Variants in TMTC1 observed in about 807,000 individuals in gnomAD.
TMTC1 encodes transmembrane O-mannosyltransferase targeting cadherins 1, also known as protein O-mannosyl-transferase TMTC1.
Under a neutral mutation model 104.8 loss-of-function variants are expected in TMTC1, and 73 were observed. The ratio of observed to expected loss-of-function variants is 0.70; its 90% confidence interval spans 0.58 to 0.85. TMTC1 has a LOEUF of 0.85. TMTC1 is among the 40% of genes least tolerant of loss of function. The pLI is 0.00. For missense variants in TMTC1, 1,035 were observed against 1,096.1 expected, an observed-to-expected ratio of 0.94 and a Z score of 0.79; for synonymous variants, 434 against 428.7, an observed-to-expected ratio of 1.01 and a Z score of -0.15.
chr12:29,663,365 A>C (rs1940122466), intron 5 of TMTC1, among the ~76,000 whole-genome samples: 1 of 152,152 alleles, frequency 6.6e-6, no homozygotes. Context: ...ATCTGAATAA[A>C]AAGGCACTTT....
intron 5 of TMTC1, among the ~76,000 whole-genome samples, chr12:29,655,122 C>A (rs954192585): frequency 2.0e-5 from 3 of 152,120 alleles, no homozygotes; most frequent in African/African-American, 7.2e-5. Flanking sequence ...ACCTCGTGAT[C>A]CGCCTGCCTC....
chr12:29,705,445 C>T (rs1941713428), intron 5 of TMTC1, among the ~76,000 whole-genome samples: 1 of 152,162 alleles, frequency 6.6e-6, no homozygotes. Context: ...AGGAACTCTC[C>T]ATTTGTAAGT....
At chr12:29,698,555 C>T (rs1941491186) in intron 5 of TMTC1, among the ~76,000 whole-genome samples, 1 of 152,138 alleles carries the variant, frequency 6.6e-6, no homozygotes, top group African/African-American at 2.4e-5. Flanking sequence ...CCCCCTTGGT[C>T]TTATGTTTCT....
intron 2 of TMTC1, among the ~76,000 whole-genome samples, chr12:29,765,687 C>G (rs1004553676): frequency 1.3e-5 from 2 of 151,756 alleles, no homozygotes; most frequent in Non-Finnish European, 2.9e-5. Context: ...AAAAAATCAC[C>G]TCTTAATAAT....
intron 6 of TMTC1, among the ~76,000 whole-genome samples, chr12:29,624,611 T>C (rs1000735826): frequency 6.6e-6 from 1 of 152,314 alleles, no homozygotes; most frequent in African/African-American, 2.4e-5. Flanking sequence ...TCCCTGCTCT[T>C]GGAATGCTCT....
chr12:29,566,990 A>AG (rs1182623180), intron 9 of TMTC1, among the ~76,000 whole-genome samples: 3 of 152,216 alleles, frequency 2.0e-5, no homozygotes, highest in Admixed American at 1.3e-4. Flanking sequence ...TCTCAGCCTC[A>AG]GGGAGTTGCC....
chr12:29,703,870 TTC>T (rs1444624996), intron 5 of TMTC1, among the ~76,000 whole-genome samples: 1 of 152,184 alleles, frequency 6.6e-6, no homozygotes, highest in East Asian at 1.9e-4. Context: ...TTTCCAAGTC[TTC>T]TGGCTTTACT....
Position 29,755,822 on chromosome 12 carries a change from C to A in TMTC1, c.618G>T (p.Leu206=), listed in dbSNP as rs553484630. The A allele has an allele frequency of 7.4e-6, 12 of 1,614,176 alleles. No individual in the cohort carries two copies. The Admixed American group carries it at 1.0e-4, about 13-fold the overall frequency. ...CACAGGTCCCCAGAAACAAACTGAGCAGCAAGAAGAAGGGAGACACCGTGG... is the reference window on the plus strand; with the variant it reads ...CACAGGTCCCCAGAAACAAACTGAGAAGCAAGAAGAAGGGAGACACCGTGG... ...FPSTVSPFFL[L]LSLFLGTCAM... Residue 206 remains leucine (L), a synonymous_variant, in exon 4 of 18, where the codon CTG becomes CTT. Transcript: ENST00000539277.
At chr12:29,621,289 A>G (rs1937659259) in intron 6 of TMTC1, among the ~76,000 whole-genome samples, 1 of 152,242 alleles carries the variant, frequency 6.6e-6, no homozygotes, top group African/African-American at 2.4e-5. Flanking sequence ...GAATTTAGTG[A>G]TCCTTGTGCC....
intron 6 of TMTC1, among the ~76,000 whole-genome samples, chr12:29,620,062 T>C (rs1322167652): frequency 6.6e-6 from 1 of 152,160 alleles, no homozygotes; most frequent in Non-Finnish European, 1.5e-5. Flanking sequence ...GGCAGTCAAT[T>C]GGATTTCTTT....
chr12:29,668,542 C>A (rs1435655945), intron 5 of TMTC1, among the ~76,000 whole-genome samples: 2 of 147,932 alleles, frequency 1.4e-5, no homozygotes, highest in Non-Finnish European at 3.0e-5. Context: ...CTCACTGCAA[C>A]CTCCAACTCC....
chr12:29,681,462 A>G (rs1008848950), intron 5 of TMTC1, among the ~76,000 whole-genome samples: 5 of 152,188 alleles, frequency 3.3e-5, no homozygotes, highest in African/African-American at 1.2e-4. Flanking sequence ...AAGAAAAACA[A>G]CCAGAATTAT....
At chr12:29,726,450 C>T (rs12304225) in intron 5 of TMTC1, among the ~76,000 whole-genome samples, 18,961 of 148,716 alleles carry the variant, frequency 0.13, 1,441 homozygotes, top group Middle Eastern at 0.15. Context: ...AGAAGCTCTC[C>T]CTAGATTTTT....
intron 5 of TMTC1, among the ~76,000 whole-genome samples, chr12:29,707,061 A>G (rs1314227730): frequency 6.6e-6 from 1 of 152,200 alleles, no homozygotes; most frequent in Admixed American, 6.5e-5. Context: ...CTATGGGGAC[A>G]GTCAGACCTG....
In TMTC1 at chr12:29,583,319, C is replaced by A. The variant is rs923219012; in HGVS notation, c.1418+88G>T. ...GATAATTTTCCTTAGTAAATACTGC[C>A]AGGCCCATGTTACCTCATTTGTTTG... On this transcript the variant is annotated intron_variant, in intron 8 of 17. Coordinates refer to ENST00000539277, the MANE Select transcript of TMTC1 (RefSeq NM_001193451.2). 30 of 1,283,114 alleles carry A rather than the reference C, an allele frequency of 2.3e-5. No individual in the cohort carries two copies. In the Admixed American group the frequency reaches 6.6e-4, roughly 28 times the overall value. The allele number at this position is 1,283,114 out of a possible 1,614,324, so 79.5% of individuals were successfully genotyped here.
rs1001387135 is a variant in TMTC1, at chr12:29,783,279, C to CAG, written c.302+169_302+170dup. Among the ~76,000 whole-genome samples, 1 of 152,148 alleles carries CAG rather than the reference C, an allele frequency of 6.6e-6. No individual in the cohort carries two copies. Among genetic ancestry groups the CAG allele is most frequent in the African/African-American group, 2.4e-5 (1 of 41,418 alleles). ...GCCCCGAGAGCCCAGATTAGCCGGG[C>CAG]AGTGGATCCCGGAGCAAAGTGCCAT... On this transcript the variant is annotated intron_variant, in intron 1 of 17. Transcript: ENST00000539277. The surrounding 1 kb of genome is among the most constrained non-coding windows in gnomAD (Gnocchi z 4.7).
chr12:29,518,333 G>T, intron 13 of TMTC1, 139 bp downstream of exon 13: 2 of 912,626 alleles, frequency 2.2e-6, no homozygotes, highest in Non-Finnish European at 3.2e-6. Flanking sequence ...TGCTTTCTTT[G>T]GAGATAAAAA....
chr12:29,637,416 G>T (rs2136526141), intron 5 of TMTC1, among the ~76,000 whole-genome samples: 1 of 152,254 alleles, frequency 6.6e-6, no homozygotes, highest in Middle Eastern at 3.4e-3. Context: ...CACAAATTCT[G>T]TGAACAGAAG....
intron 10 of TMTC1, among the ~76,000 whole-genome samples, chr12:29,539,107 C>G (rs539691014): frequency 6.6e-6 from 1 of 152,266 alleles, no homozygotes; most frequent in African/African-American, 2.4e-5. Flanking sequence ...TTGCTCACCC[C>G]TTGGTGGGAG....
Sources: allele counts gnomAD v4.1 joint callset (sites outside exome capture counted in the v4.1 genomes callset), GRCh38; gene constraint gnomAD v4.1.1; non-coding constraint Gnocchi (gnomAD v3.1); transcripts MANE v1.5; gene names NCBI Gene and HGNC (gene_info 2026-07-23, HGNC 2026-07-21).